The following RGS5 variants were observed in gnomAD, a reference collection of about 807,000 sequenced individuals.
RGS5 encodes the protein regulator of G protein signaling 5, also known as regulator of G-protein signalling 5.
In RGS5, 20 loss-of-function variants were observed where a neutral mutation model predicts 18.9. The observed-to-expected ratio is 1.06, with a 90% confidence interval of 0.74 to 1.54. The LOEUF (loss-of-function observed/expected upper bound fraction) is 1.54. RGS5 is among the 40% of genes most tolerant of loss of function. RGS5 has a pLI of 0.00. For synonymous variants in RGS5, 57 were observed against 76.2 expected (o/e 0.75, Z 1.31); for missense variants, 201 against 211.8 (o/e 0.95, Z 0.32).
rs562892334 is a variant in RGS5 at position 163,147,192 on chromosome 1, G to C, written c.*150C>G. ...TAGATAAGTATCCAAAGCAGTGTGGGCAAAAAGAGTAAGCAACATCCCCTG... is the reference window on the plus strand; with the variant it reads ...TAGATAAGTATCCAAAGCAGTGTGGCCAAAAAGAGTAAGCAACATCCCCTG... On this transcript the variant is annotated 3_prime_UTR_variant, in exon 5 of 5. Coordinates refer to ENST00000313961, the MANE Select transcript of RGS5 (RefSeq NM_003617.4). The C allele has an allele frequency of 1.4e-6, 1 of 719,014 alleles. No homozygotes were observed. The highest frequency in any genetic ancestry group is 1.8e-5 in the African/African-American group (1 of 54,306). The allele number at this position is 719,014 out of a possible 1,614,324, so 44.5% of individuals were successfully genotyped here.
chr1:163,194,067 C>G (rs1237862826), intron 1 of RGS5, among the ~76,000 whole-genome samples: 1 of 152,168 alleles, frequency 6.6e-6, no homozygotes, highest in Non-Finnish European at 1.5e-5. Flanking sequence ...GCATCATACA[C>G]TGTTAGATTC....
At chr1:163,209,701 A>G (rs1660054566) in intron 1 of RGS5, among the ~76,000 whole-genome samples, 1 of 152,104 alleles carries the variant, frequency 6.6e-6, no homozygotes, top group Non-Finnish European at 1.5e-5. Context: ...GTATATTTTG[A>G]TACCTCACTG....
intron 1 of RGS5, among the ~76,000 whole-genome samples, chr1:163,187,155 C>T (rs1281348350): frequency 6.6e-6 from 1 of 151,970 alleles, no homozygotes; most frequent in Admixed American, 6.6e-5. Flanking sequence ...CCAATCTGGA[C>T]CAGGAAGGGA....
chr1:163,291,270 T>C (rs1423501864), intron 2 of RGS5, among the ~76,000 whole-genome samples: 1 of 152,210 alleles, frequency 6.6e-6, no homozygotes, highest in African/African-American at 2.4e-5. Context: ...GAGAAAATTA[T>C]GGCGGCGGGC....
At chr1:163,195,137 T>G (rs1299943779) in intron 1 of RGS5, among the ~76,000 whole-genome samples, 2 of 152,164 alleles carry the variant, frequency 1.3e-5, no homozygotes, top group Non-Finnish European at 2.9e-5. Context: ...TGCACACTTA[T>G]GTTTATAGCA....
chr1:163,180,163 A>T (rs558731843), intron 1 of RGS5, among the ~76,000 whole-genome samples: 4 of 152,226 alleles, frequency 2.6e-5, no homozygotes, highest in Middle Eastern at 3.4e-3. Context: ...TTTTGTAGAG[A>T]TGGCATTTTG....
intron 2 of RGS5, among the ~76,000 whole-genome samples, chr1:163,258,957 G>T (rs1204077808): frequency 2.6e-5 from 4 of 152,048 alleles, no homozygotes; most frequent in Non-Finnish European, 4.4e-5. Flanking sequence ...GATTACAGGT[G>T]TGAGCCACCA....
intron 2 of RGS5, among the ~76,000 whole-genome samples, chr1:163,259,602 G>A (rs532434530): frequency 1.5e-3 from 236 of 152,304 alleles, no homozygotes; most frequent in African/African-American, 5.3e-3. Context: ...GCTGGAGACA[G>A]GGAGGGACCA....
intron 1 of RGS5, among the ~76,000 whole-genome samples, chr1:163,318,271 G>C (rs1650080480): frequency 2.0e-5 from 3 of 152,100 alleles, no homozygotes; most frequent in Non-Finnish European, 4.4e-5. Flanking sequence ...GAAGACCCTA[G>C]CACACCAGGC....
chr1:163,240,184 T>C (rs1168460062), intron 2 of RGS5, among the ~76,000 whole-genome samples: 1 of 152,090 alleles, frequency 6.6e-6, no homozygotes, highest in Non-Finnish European at 1.5e-5. Context: ...TTATTCATTA[T>C]AGTCAGAAAT....
intron 1 of RGS5, among the ~76,000 whole-genome samples, chr1:163,313,066 AACGTT>A: frequency 6.6e-6 from 1 of 152,338 alleles, no homozygotes; most frequent in South Asian, 2.1e-4. Flanking sequence ...TTCCCCATAT[AACGTT>A]ACACCTGAGC....
intron 2 of RGS5, among the ~76,000 whole-genome samples, chr1:163,303,895 G>A (rs563315080): frequency 6.6e-6 from 1 of 152,272 alleles, no homozygotes; most frequent in South Asian, 2.1e-4. Context: ...AATGCCTGAT[G>A]ATCTGAGGTG....
chr1:163,278,393 T>C (rs1648911252), intron 2 of RGS5, among the ~76,000 whole-genome samples: 1 of 152,062 alleles, frequency 6.6e-6, no homozygotes, highest in African/African-American at 2.4e-5. Flanking sequence ...CCTTCAGAAA[T>C]GGAGAAATAA....
intron 2 of RGS5, among the ~76,000 whole-genome samples, chr1:163,235,570 T>G (rs935402012): frequency 6.6e-6 from 1 of 152,180 alleles, no homozygotes; most frequent in Non-Finnish European, 1.5e-5. Context: ...TCTTCTCATC[T>G]CTTATTTTTC....
intron 1 of RGS5, among the ~76,000 whole-genome samples, chr1:163,173,948 G>T (rs753721173): frequency 2.0e-5 from 3 of 152,056 alleles, no homozygotes; most frequent in African/African-American, 7.2e-5. Context: ...GTGGTGGCAG[G>T]CACCTGTAAT....
chr1:163,200,038 A>G (rs1659714864), intron 1 of RGS5, among the ~76,000 whole-genome samples: 1 of 152,126 alleles, frequency 6.6e-6, no homozygotes, highest in Non-Finnish European at 1.5e-5. Flanking sequence ...AGTCATTGAG[A>G]CTAAGTGTAC....
At chr1:163,228,192 C>G (rs1647384303) in intron 2 of RGS5, among the ~76,000 whole-genome samples, 1 of 152,272 alleles carries the variant, frequency 6.6e-6, no homozygotes, top group South Asian at 2.1e-4. Context: ...CTGCATTTCC[C>G]ATCCTCACTG....
intron 2 of RGS5, among the ~76,000 whole-genome samples, chr1:163,239,639 C>T (rs1647732263): frequency 6.6e-6 from 1 of 152,064 alleles, no homozygotes; most frequent in Admixed American, 6.6e-5. Flanking sequence ...GAAATCACAG[C>T]AGAATAAAAG....
At chr1:163,301,435 T>C (rs1649547758) in intron 2 of RGS5, among the ~76,000 whole-genome samples, 1 of 152,018 alleles carries the variant, frequency 6.6e-6, no homozygotes, top group Non-Finnish European at 1.5e-5. Flanking sequence ...TGGGTTCAAG[T>C]GGTCATCCCA....
Sources: allele counts gnomAD v4.1 joint callset (sites outside exome capture counted in the v4.1 genomes callset), GRCh38; gene constraint gnomAD v4.1.1; transcripts MANE v1.5; gene names NCBI Gene and HGNC (gene_info 2026-07-23, HGNC 2026-07-21).